The following CNTN3 variants were observed in gnomAD, a reference collection of about 807,000 sequenced individuals.
CNTN3 encodes the protein contactin-3.
A neutral mutation model predicts 119.1 loss-of-function variants in CNTN3; 60 were observed. The ratio of observed to expected loss-of-function variants is 0.50; its 90% CI spans 0.41 to 0.62. The LOEUF (loss-of-function observed/expected upper bound fraction) is 0.62, where lower values mean the gene tolerates loss of function less well. Among genes scored for constraint, CNTN3 ranks in the 20% least tolerant of loss-of-function variants. The pLI, the probability that CNTN3 is intolerant of heterozygous loss-of-function variation, is 0.00. For missense variants in CNTN3, 1,101 were observed against 1,242.4 expected (o/e 0.89, Z 1.71); for synonymous variants, 450 against 438.7 (o/e 1.03, Z -0.32).
intron 4 of CNTN3, among the ~76,000 whole-genome samples, chr3:74,437,384 T>C (rs1187647973): frequency 2.0e-5 from 3 of 151,626 alleles, no homozygotes; most frequent in East Asian, 1.9e-4. Context: ...ATGGCGTGAA[T>C]CCGGGAGGCA....
intron 1 of CNTN3, among the ~76,000 whole-genome samples, chr3:74,607,181 C>T (rs1302316552): frequency 2.6e-5 from 4 of 151,342 alleles, no homozygotes; most frequent in Non-Finnish European, 4.4e-5. Context: ...CAGTCACACA[C>T]AGCCGACTTT....
intron 4 of CNTN3, among the ~76,000 whole-genome samples, chr3:74,468,633 A>T (rs899198726): frequency 6.6e-6 from 1 of 152,220 alleles, no homozygotes; most frequent in African/African-American, 2.4e-5. Context: ...CATTTAGATA[A>T]GACAAACCCA....
intron 13 of CNTN3, among the ~76,000 whole-genome samples, chr3:74,316,789 G>A (rs150123092): frequency 0.011 from 1,672 of 152,078 alleles, 14 homozygotes; most frequent in Middle Eastern, 0.02. Context: ...TTAGCTGGCC[G>A]TGGTGGCGGG....
chr3:74,433,259 T>C (rs1194620058), intron 4 of CNTN3, among the ~76,000 whole-genome samples: 3 of 152,096 alleles, frequency 2.0e-5, no homozygotes, highest in African/African-American at 7.2e-5. Flanking sequence ...CTCATCTCCA[T>C]CAGAGCTTCT....
chr3:74,390,856 G>A (rs1043752910), intron 5 of CNTN3, among the ~76,000 whole-genome samples: 23 of 152,170 alleles, frequency 1.5e-4, no homozygotes, highest in Admixed American at 1.3e-4. Flanking sequence ...TTATGATACA[G>A]AGGTTAATAC....
At chr3:74,546,508 C>T (rs887707374) in intron 1 of CNTN3, among the ~76,000 whole-genome samples, 3 of 152,114 alleles carry the variant, frequency 2.0e-5, no homozygotes, top group Non-Finnish European at 2.9e-5. Flanking sequence ...AGAATAAAAG[C>T]GGGCAGAAGA....
intron 11 of CNTN3, among the ~76,000 whole-genome samples, chr3:74,359,881 A>C (rs1035313774): frequency 4.6e-5 from 7 of 152,218 alleles, no homozygotes; most frequent in African/African-American, 1.7e-4. Context: ...CCATATGAAG[A>C]GTTAACTTCT....
At chr3:74,337,375 T>A (rs369363344) in intron 11 of CNTN3, among the ~76,000 whole-genome samples, 1 of 152,256 alleles carries the variant, frequency 6.6e-6, no homozygotes, top group South Asian at 2.1e-4. Flanking sequence ...TCCACCTTCA[T>A]GGAATAATAT....
intron 13 of CNTN3, 33 bp from the exon 14 acceptor site, chr3:74,302,840 A>AT (rs768798778): frequency 3.3e-5 from 45 of 1,366,282 alleles, no homozygotes; most frequent in Non-Finnish European, 4.1e-5. Context: ...ATACACTGTT[A>AT]TTTTTTTAAA....
intron 5 of CNTN3, among the ~76,000 whole-genome samples, chr3:74,399,078 A>G (rs1256949125): frequency 6.6e-6 from 1 of 152,106 alleles, no homozygotes; most frequent in Non-Finnish European, 1.5e-5. Context: ...TCATCCTACA[A>G]TGCTATAGAG....
chr3:74,302,586 T>C (rs992875447), intron 14 of CNTN3, 104 bp downstream of exon 14: 1 of 695,034 alleles, frequency 1.4e-6, no homozygotes, highest in African/African-American at 1.8e-5. Context: ...GAAATCAATA[T>C]TATAACTCGT....
At chr3:74,584,965 A>G (rs1704570940) in intron 1 of CNTN3, among the ~76,000 whole-genome samples, 1 of 152,282 alleles carries the variant, frequency 6.6e-6, no homozygotes, top group Middle Eastern at 3.4e-3. Flanking sequence ...ATGGTTATAG[A>G]TCAGGCATCA....
At chr3:74,455,202 A>T (rs1702244695) in intron 4 of CNTN3, among the ~76,000 whole-genome samples, 3 of 151,382 alleles carry the variant, frequency 2.0e-5, no homozygotes, top group Admixed American at 2.0e-4. Context: ...GGCTTTGTTC[A>T]TTTCTATTTT....
chr3:74,505,734 G>T (rs1282824454), intron 2 of CNTN3, among the ~76,000 whole-genome samples: 4 of 151,988 alleles, frequency 2.6e-5, no homozygotes, highest in African/African-American at 9.7e-5. Flanking sequence ...AGATCAGAAA[G>T]GAAAATAAAA....
intron 2 of CNTN3, among the ~76,000 whole-genome samples, chr3:74,510,170 C>A (rs1245582486): frequency 6.6e-6 from 1 of 152,006 alleles, no homozygotes; most frequent in African/African-American, 2.4e-5. Context: ...CAGCTGATCA[C>A]AGAAAGACTT....
At chr3:74,346,733 ACATC>A (rs61572054) in intron 11 of CNTN3, among the ~76,000 whole-genome samples, 62,289 of 144,172 alleles carry the variant, frequency 0.43, 13,680 homozygotes, top group African/African-American at 0.52. Context: ...ATCTCATTTG[ACATC>A]CATCCATCCA....
intron 2 of CNTN3, among the ~76,000 whole-genome samples, chr3:74,501,791 G>GA (rs11383452): frequency 0.93 from 137,296 of 147,228 alleles, 64,038 homozygotes; most frequent in Middle Eastern, 0.97. Context: ...ATTGCCAAAG[G>GA]AAAAAAAAAA....
intron 1 of CNTN3, among the ~76,000 whole-genome samples, chr3:74,584,553 C>T (rs1046343694): frequency 6.6e-6 from 1 of 152,096 alleles, no homozygotes; most frequent in African/African-American, 2.4e-5. Flanking sequence ...GTCCTCACCA[C>T]AAGCAGATGC....
intron 2 of CNTN3, among the ~76,000 whole-genome samples, chr3:74,512,884 G>A (rs948180989): frequency 2.2e-5 from 3 of 134,502 alleles, no homozygotes; most frequent in African/African-American, 8.2e-5. Flanking sequence ...CTCTCGTTTT[G>A]TACATATGTC....
Sources: allele counts gnomAD v4.1 joint callset (sites outside exome capture counted in the v4.1 genomes callset), GRCh38; gene constraint gnomAD v4.1.1; transcripts MANE v1.5; gene names NCBI Gene and HGNC (gene_info 2026-07-23, HGNC 2026-07-21).